CYLD: variants seen among roughly 807,000 people sequenced by gnomAD.
CYLD encodes ubiquitin carboxyl-terminal hydrolase CYLD.
In CYLD, 26 loss-of-function variants were observed where a neutral mutation model predicts 104.5. That is an observed-to-expected ratio of 0.25 (90% CI 0.18 to 0.35). CYLD has a LOEUF of 0.35. CYLD is among the 10% of genes least tolerant of loss of function. The probability of loss-of-function intolerance (pLI) is 1.00; values close to 1 mark genes in which losing one functional copy is unlikely to be tolerated. For missense variants in CYLD, 703 were observed against 1,136.1 expected (o/e 0.62, Z 5.48); for synonymous variants, 385 against 399.9 (o/e 0.96, Z 0.45).
At chr16:50,774,212 T>C (rs1201032302) in intron 5 of CYLD, among the ~76,000 whole-genome samples, 2 of 152,228 alleles carry the variant, frequency 1.3e-5, no homozygotes, top group African/African-American at 4.8e-5. Context: ...ATTTATATGC[T>C]ATAATTTAGG....
rs1384801228 is a variant in CYLD at position 50,794,619 on chromosome 16, G to T, written c.2686+191G>T. On this transcript the variant is annotated intron_variant, in intron 18 of 18. Coordinates refer to ENST00000427738, the MANE Select transcript of CYLD (RefSeq NM_001378743.1). This position sits in a 1 kb window ranked among gnomAD's most constrained non-coding sequence, Gnocchi z 4.1. The stretch of plus-strand genomic sequence containing the variant: ...GCTGAACTAAGGAATAATATGCTGT[G>T]TTTTTTTTTTTCCTTTTTTGAGATG... 9.1e-5 allele frequency: 49 copies of T among 540,184 alleles called. No homozygotes were observed. The highest frequency in any genetic ancestry group is 5.2e-4 in the Middle Eastern group (1 of 1,932). 33.5% of individuals were successfully genotyped at this position (540,184 alleles called of 1,614,324 possible). A position where few individuals can be genotyped will look rare whatever the true frequency, so the allele number is the denominator to read the frequency against.
At chr16:50,773,296 G>C (rs1304881431) in intron 5 of CYLD, among the ~76,000 whole-genome samples, 1 of 152,000 alleles carries the variant, frequency 6.6e-6, no homozygotes, top group East Asian at 1.9e-4. Context: ...TTCTTTTTCT[G>C]GTTAAATCAA....
intron 16 of CYLD, among the ~76,000 whole-genome samples, chr16:50,793,113 T>TACACACAC (rs1024974672): frequency 1.5e-5 from 2 of 134,224 alleles, no homozygotes; most frequent in African/African-American, 6.6e-5. Flanking sequence ...AAAGGAGCCA[T>TACACACAC]ATACACACAC....
rs899141924 is a variant in CYLD, at chr16:50,801,445, C to T, written c.*4937C>T. On this transcript the variant is annotated 3_prime_UTR_variant, in exon 19 of 19. Coordinates refer to ENST00000427738, the MANE Select transcript of CYLD (RefSeq NM_001378743.1). Reference sequence around the variant, plus strand: ...ATGGAGGGATTGTCCTTTCAAGCACCACAGCTTCAGATAAAATTAGTACTT... The same window carrying T: ...ATGGAGGGATTGTCCTTTCAAGCACTACAGCTTCAGATAAAATTAGTACTT... 1.3e-5 allele frequency: 3 copies of T among 233,722 alleles called. No homozygotes were observed. Among genetic ancestry groups the T allele is most frequent in the African/African-American group, 2.2e-5 (1 of 45,326 alleles). 14.5% of individuals were successfully genotyped at this position (233,722 alleles called of 1,614,324 possible). A position where few individuals can be genotyped will look rare whatever the true frequency, so the allele number is the denominator to read the frequency against.
chr16:50,757,538 T>C (rs1465040266), intron 5 of CYLD, among the ~76,000 whole-genome samples: 1 of 143,566 alleles, frequency 7.0e-6, no homozygotes, highest in Non-Finnish European at 1.6e-5. Flanking sequence ...ATTTAGTTTT[T>C]CATGATTTTT....
chr16:50,758,486 A>G (rs1201123688), intron 5 of CYLD, among the ~76,000 whole-genome samples: 1 of 152,186 alleles, frequency 6.6e-6, no homozygotes, highest in East Asian at 1.9e-4. Context: ...TGCATTTTTA[A>G]ATGATCTCTC....
intron 7 of CYLD, among the ~76,000 whole-genome samples, chr16:50,777,426 A>T (rs111707547): frequency 0.013 from 1,948 of 152,274 alleles, 48 homozygotes; most frequent in African/African-American, 0.045. Flanking sequence ...GAATTTGAGG[A>T]TTACCTTCTT....
chr16:50,782,117 T>C (rs1970276160), intron 10 of CYLD, among the ~76,000 whole-genome samples: 2 of 152,214 alleles, frequency 1.3e-5, no homozygotes, highest in African/African-American at 4.8e-5. Context: ...TTTTTAAATC[T>C]TGGAGGAAAT....
chr16:50,747,516 GA>G (rs925643358), intron 2 of CYLD, among the ~76,000 whole-genome samples: 64 of 152,148 alleles, frequency 4.2e-4, no homozygotes, highest in Admixed American at 2.6e-3. Context: ...CAATGATCAA[GA>G]AAAAAATAAG....
chr16:50,762,165 C>G (rs528845718), intron 5 of CYLD, among the ~76,000 whole-genome samples: 1 of 152,094 alleles, frequency 6.6e-6, no homozygotes, highest in Non-Finnish European at 1.5e-5. Context: ...ATCCACCCCC[C>G]GCCACCCCAA....
At position 50,749,868 on chromosome 16, in the gene CYLD, A is replaced by G. The variant is rs767537235; in HGVS notation, c.170A>G (p.His57Arg). 3.1e-6 allele frequency: 5 copies of G among 1,614,052 alleles called. No individual in the cohort carries two copies. Among genetic ancestry groups the G allele is most frequent in the South Asian group, 1.1e-5 (1 of 91,088 alleles). ...GQYIQDRSVG[H>R]SRIPSAKGKK... ...TATATTCAAGATCGTTCTGTGGGGCATTCAAGGATTCCTTCTGCAAAAGGC... is the reference window on the plus strand; with the variant it reads ...TATATTCAAGATCGTTCTGTGGGGCGTTCAAGGATTCCTTCTGCAAAAGGC... Residue 57 changes from histidine to arginine, a missense_variant, in exon 3 of 19, where the codon CAT becomes CGT. By Grantham distance (29) the His-to-Arg change is conservative. Transcript: ENST00000427738.
At chr16:50,791,992 T>G (rs1233400570) in intron 15 of CYLD, among the ~76,000 whole-genome samples, 1 of 152,232 alleles carries the variant, frequency 6.6e-6, no homozygotes, top group Non-Finnish European at 1.5e-5. Context: ...AAATGCCATT[T>G]TATGCAAGCA....
intron 2 of CYLD, among the ~76,000 whole-genome samples, chr16:50,748,385 A>G (rs1359170024): frequency 2.0e-5 from 3 of 152,160 alleles, no homozygotes; most frequent in East Asian, 1.9e-4. Context: ...TTATTCTTGT[A>G]AAAATTTTAA....
chr16:50,786,001 A>G (rs914719408), intron 12 of CYLD: 1 of 152,226 alleles, frequency 6.6e-6, no homozygotes, highest in Non-Finnish European at 1.5e-5. Flanking sequence ...GTAGCCGCCA[A>G]GTTCTCCTCT....
Position 50,742,803 on chromosome 16 carries a change from C to T in CYLD, c.-162C>T, listed in dbSNP as rs1327546756. 3 of 389,914 alleles carry T rather than the reference C, an allele frequency of 7.7e-6. No homozygotes were observed. Among genetic ancestry groups the T allele is most frequent in the South Asian group, 2.6e-4 (2 of 7,686 alleles). 24.2% of individuals were successfully genotyped at this position (389,914 alleles called of 1,614,324 possible). On this transcript the variant is annotated 5_prime_UTR_variant, in exon 2 of 19. Coordinates refer to ENST00000427738, the MANE Select transcript of CYLD (RefSeq NM_001378743.1). ...GTGAGGATGGTTCTACACAGCCACC[C>T]GGAGTTCCTTAGTTGAAAGGTGCGC...
At chr16:50,783,407 C>T (rs376185161) in intron 11 of CYLD, among the ~76,000 whole-genome samples, 4 of 152,086 alleles carry the variant, frequency 2.6e-5, no homozygotes, top group South Asian at 2.1e-4. Flanking sequence ...AATAAAGTGG[C>T]GGCCATTTTA....
At chr16:50,787,906 A>G (rs74477979) in intron 14 of CYLD, 54 bp downstream of exon 14, 2 of 1,019,720 alleles carry the variant, frequency 2.0e-6, no homozygotes, top group South Asian at 1.4e-5. Flanking sequence ...TCTCATTTCT[A>G]CTGCCATTAT....
At chr16:50,789,873 C>T (rs1971258293) in intron 14 of CYLD, among the ~76,000 whole-genome samples, 1 of 152,226 alleles carries the variant, frequency 6.6e-6, no homozygotes, top group African/African-American at 2.4e-5. Context: ...ACAGAATCTC[C>T]AGAAATAGAA....
Position 50,799,027 on chromosome 16 carries a change from TG to T in CYLD, c.*2521del. On this transcript the variant is annotated 3_prime_UTR_variant, in exon 19 of 19. Coordinates refer to ENST00000427738, the MANE Select transcript of CYLD (RefSeq NM_001378743.1). ...TACTGTTCTGTGCTTCAGCACAGCC[TG>T]GTTTGTCAAGAGGCACATAGTTGGG... The T allele has an allele frequency of 4.3e-6, 1 of 233,446 alleles. No homozygotes were observed. Among genetic ancestry groups the T allele is most frequent in the South Asian group, 1.8e-4 (1 of 5,530 alleles). 14.5% of individuals were successfully genotyped at this position (233,446 alleles called of 1,614,324 possible).
Sources: allele counts gnomAD v4.1 joint callset (sites outside exome capture counted in the v4.1 genomes callset), GRCh38; gene constraint gnomAD v4.1.1; non-coding constraint Gnocchi (gnomAD v3.1); transcripts MANE v1.5; gene names NCBI Gene and HGNC (gene_info 2026-07-23, HGNC 2026-07-21).